The following GPC5 variants were observed in gnomAD, a reference collection of about 807,000 sequenced individuals.
GPC5 encodes glypican 5, also known as glypican-5.
Under a neutral mutation model 53.9 loss-of-function variants are expected in GPC5, and 47 were observed. The ratio of observed to expected loss-of-function variants is 0.87; its 90% confidence interval spans 0.69 to 1.11. The LOEUF (loss-of-function observed/expected upper bound fraction) is 1.11, where lower values mean the gene tolerates loss of function less well. GPC5 is among the 50% of genes most tolerant of loss of function. GPC5 has a pLI of 0.00. For missense variants in GPC5, 748 were observed against 713.1 expected, an observed-to-expected ratio of 1.05 and a Z score of -0.56; for synonymous variants, 286 against 263.3, an observed-to-expected ratio of 1.09 and a Z score of -0.84.
chr13:91,648,719 C>T (rs993862672), intron 2 of GPC5, among the ~76,000 whole-genome samples: 4 of 152,042 alleles, frequency 2.6e-5, no homozygotes, highest in Non-Finnish European at 5.9e-5. Flanking sequence ...CACACACACA[C>T]GTACACTCAG....
At chr13:92,295,182 C>A (rs1299506478) in intron 7 of GPC5, among the ~76,000 whole-genome samples, 1 of 152,046 alleles carries the variant, frequency 6.6e-6, no homozygotes, top group Non-Finnish European at 1.5e-5. Context: ...TTAGCACCAC[C>A]TTTGCTGTGT....
chr13:92,190,197 G>A (rs1244991349), intron 7 of GPC5, among the ~76,000 whole-genome samples: 1 of 151,596 alleles, frequency 6.6e-6, no homozygotes, highest in Non-Finnish European at 1.5e-5. Flanking sequence ...TGTTGAGAGA[G>A]AAAAAAAACC....
chr13:92,626,429 A>G (rs1207591109), intron 7 of GPC5, among the ~76,000 whole-genome samples: 1 of 152,134 alleles, frequency 6.6e-6, no homozygotes, highest in Non-Finnish European at 1.5e-5. Flanking sequence ...CTCATGTGCT[A>G]TGAGGGAGTT....
intron 3 of GPC5, among the ~76,000 whole-genome samples, chr13:91,718,390 G>T (rs2139948572): frequency 6.6e-6 from 1 of 152,270 alleles, no homozygotes; most frequent in East Asian, 1.9e-4. Flanking sequence ...GATTACAGGC[G>T]TGAGCCACTG....
At chr13:92,297,582 C>T (rs1021694443) in intron 7 of GPC5, among the ~76,000 whole-genome samples, 17 of 151,880 alleles carry the variant, frequency 1.1e-4, no homozygotes, top group African/African-American at 3.6e-4. Context: ...TCTGGTGGGG[C>T]CTTGGAGAAC....
chr13:92,770,740 G>T (rs1263753935), intron 7 of GPC5, among the ~76,000 whole-genome samples: 1 of 152,132 alleles, frequency 6.6e-6, no homozygotes, highest in Non-Finnish European at 1.5e-5. Flanking sequence ...GTGGTTTTCA[G>T]CTGAAACCCG....
At chr13:92,436,044 C>T (rs1039656955) in intron 7 of GPC5, among the ~76,000 whole-genome samples, 1 of 152,102 alleles carries the variant, frequency 6.6e-6, no homozygotes, top group Non-Finnish European at 1.5e-5. Flanking sequence ...TAACATCTTA[C>T]TGACTATTCT....
At chr13:92,240,887 A>G (rs927997604) in intron 7 of GPC5, 8 of 152,282 alleles carry the variant, frequency 5.3e-5, no homozygotes, top group African/African-American at 1.9e-4. Context: ...AAAAAAATGG[A>G]GGAGACTTGG....
chr13:91,419,866 G>C (rs957129154), intron 1 of GPC5, among the ~76,000 whole-genome samples: 1 of 152,160 alleles, frequency 6.6e-6, no homozygotes, highest in African/African-American at 2.4e-5. Flanking sequence ...GCTGCTTATG[G>C]TAAATAAACC....
At chr13:91,446,035 C>T (rs1290381619) in intron 1 of GPC5, among the ~76,000 whole-genome samples, 1 of 152,048 alleles carries the variant, frequency 6.6e-6, no homozygotes, top group Non-Finnish European at 1.5e-5. Flanking sequence ...GTGCCTATTC[C>T]TGGTTTCTCC....
chr13:92,170,420 CTTT>C (rs61418155), intron 7 of GPC5, among the ~76,000 whole-genome samples: 10 of 75,260 alleles, frequency 1.3e-4, no homozygotes, highest in African/African-American at 5.2e-4. Flanking sequence ...CTTTTCTTTG[CTTT>C]TTTTTTTTTT....
At chr13:92,685,431 C>T (rs1887232977) in intron 7 of GPC5, among the ~76,000 whole-genome samples, 1 of 152,006 alleles carries the variant, frequency 6.6e-6, no homozygotes, top group South Asian at 2.1e-4. Flanking sequence ...AAAACTTCAC[C>T]TGTTACCACA....
intron 2 of GPC5, among the ~76,000 whole-genome samples, chr13:91,533,387 T>A (rs948095104): frequency 1.3e-5 from 2 of 152,242 alleles, no homozygotes; most frequent in Admixed American, 6.5e-5. Context: ...TTATTTTCTC[T>A]ATGAATCACC....
At chr13:91,576,533 T>G (rs2032143613) in intron 2 of GPC5, among the ~76,000 whole-genome samples, 1 of 152,176 alleles carries the variant, frequency 6.6e-6, no homozygotes, top group African/African-American at 2.4e-5. Flanking sequence ...TACCCAGTGT[T>G]GAAGTGTTTG....
chr13:92,802,711 C>A (rs1209756255), intron 7 of GPC5, among the ~76,000 whole-genome samples: 1 of 151,910 alleles, frequency 6.6e-6, no homozygotes. Flanking sequence ...AAAAAACAAA[C>A]ACCGCATGTT....
intron 5 of GPC5, among the ~76,000 whole-genome samples, chr13:91,894,000 A>T (rs954218419): frequency 6.7e-6 from 1 of 150,014 alleles, no homozygotes; most frequent in African/African-American, 2.5e-5. Context: ...AGCAATTTTT[A>T]TGTTGGATAT....
In GPC5 at chr13:91,572,048, C is replaced by T. The variant is rs1192877152; in HGVS notation, c.326-121139C>T. On this transcript the variant is annotated intron_variant, in intron 2 of 7. Transcript: ENST00000377067. ...GTGTGTATATATGTGTATATACACACATATGTATATATACATGTATATACA... is the reference window on the plus strand; with the variant it reads ...GTGTGTATATATGTGTATATACACATATATGTATATATACATGTATATACA... Among the ~76,000 whole-genome samples, 12 of 118,664 alleles carry T rather than the reference C, an allele frequency of 1.0e-4. 3 individuals are homozygous for T. Among genetic ancestry groups the T allele is most frequent in the African/African-American group, 4.9e-4 (12 of 24,712 alleles). 77.8% of individuals were successfully genotyped at this position (118,664 alleles called of 152,430 possible). A position where few individuals can be genotyped will look rare whatever the true frequency, so the allele number is the denominator to read the frequency against.
At chr13:92,024,638 T>G (rs1403062064) in intron 6 of GPC5, among the ~76,000 whole-genome samples, 3 of 152,286 alleles carry the variant, frequency 2.0e-5, no homozygotes, top group East Asian at 3.9e-4. Context: ...TCAGGTAAAA[T>G]GTTCCTCTTA....
chr13:91,756,156 TA>T, intron 4 of GPC5, 138 bp from the exon 5 acceptor site: 1 of 514,380 alleles, frequency 1.9e-6, no homozygotes, highest in Non-Finnish European at 3.0e-6. Context: ...AGAGAAAATG[TA>T]AAAAATTATA....
Sources: allele counts gnomAD v4.1 joint callset (sites outside exome capture counted in the v4.1 genomes callset), GRCh38; gene constraint gnomAD v4.1.1; transcripts MANE v1.5; gene names NCBI Gene and HGNC (gene_info 2026-07-23, HGNC 2026-07-21).